VPS8: variants seen among roughly 807,000 people sequenced by gnomAD.
The protein encoded by VPS8 is vacuolar protein sorting-associated protein 8 homolog.
VPS8 carries 129 observed loss-of-function variants against 216.4 expected under a neutral mutation model. The ratio of observed to expected loss-of-function variants is 0.60; its 90% CI spans 0.52 to 0.69. The LOEUF is 0.69. VPS8 is among the 30% of genes least tolerant of loss of function. VPS8 has a pLI of 0.00. For missense variants in VPS8, 1,531 were observed against 1,683.5 expected, an observed-to-expected ratio of 0.91 and a Z score of 1.59; for synonymous variants, 571 against 565.4, an observed-to-expected ratio of 1.01 and a Z score of -0.14.
At chr3:184,835,911 G>A (rs1720990557) in intron 5 of VPS8, among the ~76,000 whole-genome samples, 1 of 151,806 alleles carries the variant, frequency 6.6e-6, no homozygotes, top group Non-Finnish European at 1.5e-5. Context: ...CGGTTTCAAC[G>A]TGTTAGCCAG....
chr3:185,049,440 G>A (rs1004745066), intron 47 of VPS8, among the ~76,000 whole-genome samples: 1 of 152,058 alleles, frequency 6.6e-6, no homozygotes, highest in South Asian at 2.1e-4. Flanking sequence ...CCACCTGACT[G>A]GGGACATCCT....
At chr3:184,980,978 A>G (rs2098928805) in intron 40 of VPS8, among the ~76,000 whole-genome samples, 1 of 152,010 alleles carries the variant, frequency 6.6e-6, no homozygotes, top group African/African-American at 2.4e-5. Flanking sequence ...TTTGGATGGC[A>G]TTTTTTGCTT....
intron 28 of VPS8, chr3:184,919,245 G>A (rs1738179020): frequency 6.6e-6 from 1 of 152,126 alleles, no homozygotes; most frequent in Admixed American, 6.5e-5. Context: ...AGTCTACTGG[G>A]ACAATGCGTA....
Position 184,930,467 on chromosome 3 carries a change from C to T in VPS8, c.2800-3C>T. The T allele has an allele frequency of 1.2e-6, 2 of 1,605,618 alleles. No homozygotes were observed. The highest frequency in any genetic ancestry group is 1.7e-6 in the Non-Finnish European group (2 of 1,172,630). ...ATAAATTATATTGTCTTGTGCTCTT[C>T]AGGAAGAAGTCTTTAATTACATTCA... On this transcript the variant is annotated splice_polypyrimidine_tract_variant and splice_region_variant and intron_variant, in intron 33 of 47. Transcript: ENST00000625842.
intron 10 of VPS8, 74 bp from the exon 11 acceptor site, chr3:184,852,426 A>T (rs188984274): frequency 5.8e-6 from 8 of 1,386,374 alleles, no homozygotes; most frequent in Non-Finnish European, 7.0e-6. Flanking sequence ...GTTTTTCAAA[A>T]TTGTATAATT....
At chr3:184,966,565 C>A in intron 38 of VPS8, 106 bp from the exon 39 acceptor site, 1 of 646,530 alleles carries the variant, frequency 1.5e-6, no homozygotes, top group South Asian at 3.5e-5. Flanking sequence ...TCTTAATAAC[C>A]TTGTAGTTTT....
At chr3:185,041,176 G>A (rs1419364285) in intron 46 of VPS8, among the ~76,000 whole-genome samples, 3 of 151,640 alleles carry the variant, frequency 2.0e-5, no homozygotes, top group African/African-American at 7.3e-5. Flanking sequence ...TTGCACTCCA[G>A]CCTGGGCAAC....
chr3:184,947,541 G>T (rs1743920226), intron 36 of VPS8, among the ~76,000 whole-genome samples: 1 of 150,940 alleles, frequency 6.6e-6, no homozygotes, highest in Non-Finnish European at 1.5e-5. Flanking sequence ...AGGTGATGTT[G>T]TGGGCAGGTT....
intron 4 of VPS8, 34 bp from the exon 5 acceptor site, chr3:184,834,615 T>G (rs1007323728): frequency 6.7e-7 from 1 of 1,494,248 alleles, no homozygotes; most frequent in African/African-American, 1.4e-5. Flanking sequence ...ACTATTTTTA[T>G]CTGTTTTTAA....
chr3:184,946,109 G>A (rs76402351), intron 36 of VPS8, among the ~76,000 whole-genome samples: 7,838 of 152,244 alleles, frequency 0.051, 305 homozygotes, highest in Non-Finnish European at 0.076. Context: ...CAGATCTTAC[G>A]ATGTCTGGCC....
chr3:184,957,419 T>C lies in VPS8; in HGVS notation c.3081T>C (p.Cys1027=). The C allele has an allele frequency of 1.2e-6, 2 of 1,612,186 alleles. No individual in the cohort carries two copies. The highest frequency in any genetic ancestry group is 2.7e-5 in the African/African-American group (2 of 75,046). Residue 1027 remains cysteine, a synonymous_variant, in exon 37 of 48, where the codon TGT becomes TGC. Coordinates refer to ENST00000625842, the MANE Select transcript of VPS8 (RefSeq NM_001009921.3). ...VNQELLQISP[C]ITEQFIELLC... ...AAGAATTACTGCAAATATCTCCTTG[T>C]ATCACAGAGCAGTTCATTGAGCTGT...
At chr3:184,889,438 G>T (rs1234141997) in intron 22 of VPS8, among the ~76,000 whole-genome samples, 1 of 151,772 alleles carries the variant, frequency 6.6e-6, no homozygotes, top group Non-Finnish European at 1.5e-5. Flanking sequence ...TCCTCCTCCT[G>T]CTCTTACATA....
chr3:184,857,839 G>A (rs1317346000), intron 14 of VPS8, among the ~76,000 whole-genome samples: 5 of 152,182 alleles, frequency 3.3e-5, no homozygotes, highest in African/African-American at 7.2e-5. Context: ...GTAGGTGACT[G>A]CCCTTGGTCA....
intron 43 of VPS8, 35 bp from the exon 44 acceptor site, chr3:184,996,295 CTT>C: frequency 6.4e-7 from 1 of 1,566,688 alleles, no homozygotes; most frequent in East Asian, 2.3e-5. Context: ...ATCTTATAAC[CTT>C]TTGTTTGTTT....
intron 46 of VPS8, among the ~76,000 whole-genome samples, chr3:185,027,712 T>C (rs1757586598): frequency 6.6e-6 from 1 of 152,208 alleles, no homozygotes; most frequent in African/African-American, 2.4e-5. Context: ...AACTGAGTAA[T>C]GTCCCAGCTC....
chr3:184,931,847 T>C (rs920719796), intron 34 of VPS8, among the ~76,000 whole-genome samples: 3 of 152,194 alleles, frequency 2.0e-5, no homozygotes, highest in African/African-American at 7.2e-5. Flanking sequence ...GGTTATATTA[T>C]GATTCAGTTC....
intron 35 of VPS8, among the ~76,000 whole-genome samples, chr3:184,937,851 A>T (rs1052576801): frequency 1.3e-5 from 2 of 152,184 alleles, no homozygotes; most frequent in Non-Finnish European, 2.9e-5. Context: ...GATAGGCTGG[A>T]GGGGAGGAGC....
chr3:184,997,673 A>G (rs1752796599), intron 44 of VPS8, among the ~76,000 whole-genome samples: 1 of 152,188 alleles, frequency 6.6e-6, no homozygotes, highest in Non-Finnish European at 1.5e-5. Context: ...AATGCCAGAT[A>G]CTGATAACTA....
At chr3:185,026,696 A>ACCACGCC in intron 46 of VPS8, among the ~76,000 whole-genome samples, 1 of 130,850 alleles carries the variant, frequency 7.6e-6, no homozygotes, top group Non-Finnish European at 1.6e-5. Context: ...GGCATGAGCC[A>ACCACGCC]CTGTCTTTTT....
Sources: allele counts gnomAD v4.1 joint callset (sites outside exome capture counted in the v4.1 genomes callset), GRCh38; gene constraint gnomAD v4.1.1; transcripts MANE v1.5; gene names NCBI Gene and HGNC (gene_info 2026-07-23, HGNC 2026-07-21).